The following CNTNAP4 variants were observed in gnomAD, a reference collection of about 807,000 sequenced individuals.
CNTNAP4 encodes contactin-associated protein-like 4.
A neutral mutation model predicts 148.4 loss-of-function variants in CNTNAP4; 98 were observed. The observed-to-expected ratio is 0.66, with a 90% CI of 0.56 to 0.78. The LOEUF is 0.78. Among genes scored for constraint, CNTNAP4 ranks in the 30% least tolerant of loss-of-function variants. CNTNAP4 has a pLI of 0.00. For missense variants in CNTNAP4, 1,935 were observed against 1,565.6 expected (o/e 1.24, Z -3.98); for synonymous variants, 730 against 565.1 (o/e 1.29, Z -4.14).
Position 76,506,915 on chromosome 16 carries a change from A to C in CNTNAP4, c.2365+8221A>C, listed in dbSNP as rs778981655. On this transcript the variant is annotated intron_variant, in intron 15 of 23. Coordinates refer to ENST00000611870, the MANE Select transcript of CNTNAP4 (RefSeq NM_033401.5). ...ACCATTCTGTGAGGAGGCTAGTACA[A>C]AAATATAGAGTATTTCAGAATGACT... is the stretch of plus-strand genomic sequence containing the variant. 9.3e-5 allele frequency among the ~76,000 whole-genome samples: 9 copies of C among 97,164 alleles called. 4 individuals carry two copies. The highest frequency in any genetic ancestry group is 2.3e-4 in the Non-Finnish European group (8 of 34,146). 63.7% of individuals were successfully genotyped at this position (97,164 alleles called of 152,430 possible). A position where few individuals can be genotyped will look rare whatever the true frequency, so the allele number is the denominator to read the frequency against.
chr16:76,543,946 T>C (rs922278971), intron 21 of CNTNAP4, among the ~76,000 whole-genome samples: 1 of 142,978 alleles, frequency 7.0e-6, no homozygotes, highest in Admixed American at 6.8e-5. Context: ...ATTAAATACA[T>C]ACCTTGTGAT....
intron 3 of CNTNAP4, among the ~76,000 whole-genome samples, chr16:76,401,012 G>T (rs2078395092): frequency 6.6e-6 from 1 of 152,132 alleles, no homozygotes; most frequent in African/African-American, 2.4e-5. Context: ...GATTGCCTCG[G>T]CTATTTGGGC....
chr16:76,317,982 T>G (rs1454079212), intron 2 of CNTNAP4, among the ~76,000 whole-genome samples: 1 of 152,056 alleles, frequency 6.6e-6, no homozygotes, highest in Non-Finnish European at 1.5e-5. Flanking sequence ...GCTAGCGTTT[T>G]CTTTTTGAGT....
At chr16:76,459,441 A>T (rs2080857571) in intron 8 of CNTNAP4, among the ~76,000 whole-genome samples, 1 of 129,826 alleles carries the variant, frequency 7.7e-6, no homozygotes, top group South Asian at 2.7e-4. Flanking sequence ...TTGGGTCTTC[A>T]GTAATCTTTT....
chr16:76,552,996 AC>A (rs777703466), intron 21 of CNTNAP4, among the ~76,000 whole-genome samples: 2 of 152,186 alleles, frequency 1.3e-5, no homozygotes, highest in African/African-American at 2.4e-5. Context: ...AAGTATCATG[AC>A]ACCCTCATCA....
chr16:76,351,162 A>G (rs1395889947), intron 2 of CNTNAP4, among the ~76,000 whole-genome samples: 1 of 152,086 alleles, frequency 6.6e-6, no homozygotes, highest in East Asian at 1.9e-4. Flanking sequence ...TCTTAATAAA[A>G]TAAATACAGT....
rs1186785201 is a variant in CNTNAP4, at chr16:76,343,740, A to T, written c.197-11578A>T. Among the ~76,000 whole-genome samples, 3 of 140,954 alleles carry T rather than the reference A, an allele frequency of 2.1e-5. No homozygotes were observed. The Admixed American group carries it at 2.4e-4, about 11-fold the overall frequency. 92.5% of individuals were successfully genotyped at this position (140,954 alleles called of 152,430 possible). ...GAAAAATCAAATATGTTGAAACTTC[A>T]TTTTTTTTTTGTCTGATGAGGTAAA... On this transcript the variant is annotated intron_variant, in intron 2 of 23. Transcript: ENST00000611870.
chr16:76,437,850 C>T (rs983636831), intron 4 of CNTNAP4, among the ~76,000 whole-genome samples: 13 of 152,030 alleles, frequency 8.6e-5, no homozygotes, highest in Non-Finnish European at 1.2e-4. Context: ...CTAACTATGA[C>T]GGTTCACAAC....
At chr16:76,358,196 C>G (rs575337782) in intron 3 of CNTNAP4, among the ~76,000 whole-genome samples, 1 of 152,156 alleles carries the variant, frequency 6.6e-6, no homozygotes, top group Non-Finnish European at 1.5e-5. Context: ...GTTAGCTGGG[C>G]ATGGTGACAT....
At chr16:76,522,771 C>CTTTT (rs2083541850) in intron 17 of CNTNAP4, among the ~76,000 whole-genome samples, 1 of 93,306 alleles carries the variant, frequency 1.1e-5, no homozygotes, top group Non-Finnish European at 2.3e-5. Flanking sequence ...CTTTTCTTTT[C>CTTTT]TTTTCTTTCT....
At chr16:76,343,530 T>C (rs1964659395) in intron 2 of CNTNAP4, among the ~76,000 whole-genome samples, 1 of 152,172 alleles carries the variant, frequency 6.6e-6, no homozygotes, top group African/African-American at 2.4e-5. Flanking sequence ...TAGTAGCATG[T>C]AATCTGAGAA....
intron 2 of CNTNAP4, among the ~76,000 whole-genome samples, chr16:76,316,869 T>C (rs1961815317): frequency 6.6e-6 from 1 of 152,202 alleles, no homozygotes; most frequent in African/African-American, 2.4e-5. Context: ...AAACGCTAAT[T>C]ATTTAAAAAT....
chr16:76,453,223 C>T (rs925209942), intron 8 of CNTNAP4, among the ~76,000 whole-genome samples: 3 of 152,108 alleles, frequency 2.0e-5, no homozygotes, highest in Non-Finnish European at 4.4e-5. Context: ...TATGAGTGTA[C>T]AGTGTGAATG....
chr16:76,319,476 G>A (rs1962178172), intron 2 of CNTNAP4, among the ~76,000 whole-genome samples: 1 of 152,150 alleles, frequency 6.6e-6, no homozygotes, highest in African/African-American at 2.4e-5. Context: ...TGCCACGTAT[G>A]TGCTGTTTTG....
chr16:76,316,320 T>C (rs1391267102), intron 1 of CNTNAP4, 93 bp from the exon 2 acceptor site: 1 of 779,906 alleles, frequency 1.3e-6, no homozygotes, highest in Admixed American at 2.0e-5. Context: ...TAGTTTTTGA[T>C]GTTGTTGTTT....
chr16:76,440,171 T>A (rs998213973), intron 4 of CNTNAP4, among the ~76,000 whole-genome samples: 84 of 152,194 alleles, frequency 5.5e-4, no homozygotes, highest in African/African-American at 1.9e-3. Flanking sequence ...AGCTATATAT[T>A]TTTTTTCTCT....
At chr16:76,321,583 A>G (rs1368034236) in intron 2 of CNTNAP4, among the ~76,000 whole-genome samples, 5 of 151,944 alleles carry the variant, frequency 3.3e-5, no homozygotes, top group Admixed American at 2.6e-4. Flanking sequence ...AGGTCAGGAG[A>G]TCGAGACCAT....
chr16:76,317,195 G>T (rs1961851634), intron 2 of CNTNAP4, among the ~76,000 whole-genome samples: 1 of 144,534 alleles, frequency 6.9e-6, no homozygotes, highest in African/African-American at 2.6e-5. Flanking sequence ...GTTGGAGACA[G>T]TGAGCTATGA....
chr16:76,397,609 C>T (rs1278758301), intron 3 of CNTNAP4, among the ~76,000 whole-genome samples: 1 of 151,700 alleles, frequency 6.6e-6, no homozygotes, highest in Non-Finnish European at 1.5e-5. Flanking sequence ...AAATATTTAA[C>T]AATTAACATT....
Sources: gnomAD v4.1 joint callset for allele counts (sites outside exome capture counted in the v4.1 genomes callset) on GRCh38, gnomAD v4.1.1 for gene constraint, MANE v1.5 for transcripts, NCBI Gene and HGNC (gene_info 2026-07-23, HGNC 2026-07-21) for gene names.